The following DTNB variants were observed in gnomAD, a reference collection of about 807,000 sequenced individuals.
DTNB encodes the protein DTN-B.
Under a neutral mutation model 90.7 loss-of-function variants are expected in DTNB, and 63 were observed. The observed-to-expected ratio is 0.69, with a 90% CI of 0.57 to 0.86. DTNB has a LOEUF of 0.86. DTNB is among the 40% of genes least tolerant of loss of function. The pLI is 0.00. For missense variants in DTNB, 744 were observed against 807.1 expected, an observed-to-expected ratio of 0.92 and a Z score of 0.95; for synonymous variants, 277 against 286.7, an observed-to-expected ratio of 0.97 and a Z score of 0.34.
At chr2:25,635,824 GGAA>G (rs2077001361) in intron 3 of DTNB, among the ~76,000 whole-genome samples, 1 of 152,168 alleles carries the variant, frequency 6.6e-6, no homozygotes, top group Admixed American at 6.5e-5. Flanking sequence ...GAGCAAAGTA[GGAA>G]GACTTGCCTT....
At chr2:25,631,231 T>C (rs756044070) in intron 3 of DTNB, among the ~76,000 whole-genome samples, 11 of 152,182 alleles carry the variant, frequency 7.2e-5, no homozygotes, top group South Asian at 2.1e-4. Flanking sequence ...TAATTTTTAA[T>C]GGTGGGACAA....
At chr2:25,529,131 C>A (rs965412767) in intron 9 of DTNB, among the ~76,000 whole-genome samples, 5 of 152,110 alleles carry the variant, frequency 3.3e-5, no homozygotes, top group Admixed American at 3.3e-4. Context: ...GTAATTAAGA[C>A]AGTGAGATAT....
intron 1 of DTNB, among the ~76,000 whole-genome samples, chr2:25,658,872 C>A (rs1037174410): frequency 6.6e-6 from 1 of 152,064 alleles, no homozygotes; most frequent in Non-Finnish European, 1.5e-5. Flanking sequence ...TTGTCAACAC[C>A]GACAGAACTT....
intron 12 of DTNB, among the ~76,000 whole-genome samples, chr2:25,446,114 G>A (rs1325709416): frequency 6.6e-6 from 1 of 151,882 alleles, no homozygotes; most frequent in East Asian, 1.9e-4. Flanking sequence ...TGTGAGAAAG[G>A]GTCTTTATTT....
intron 5 of DTNB, among the ~76,000 whole-genome samples, chr2:25,599,212 A>G (rs2065284885): frequency 6.6e-6 from 1 of 151,250 alleles, no homozygotes; most frequent in Non-Finnish European, 1.5e-5. Flanking sequence ...TTACGGAATA[A>G]AGGAAGTTTA....
At chr2:25,466,942 G>A (rs1382665668) in intron 10 of DTNB, among the ~76,000 whole-genome samples, 1 of 152,220 alleles carries the variant, frequency 6.6e-6, no homozygotes, top group South Asian at 2.1e-4. Context: ...GCGTGAAAGA[G>A]TTCCGTCAAA....
chr2:25,526,393 ATATTTTT>A (rs1333616880), intron 9 of DTNB, among the ~76,000 whole-genome samples: 9 of 59,450 alleles, frequency 1.5e-4, no homozygotes, highest in African/African-American at 5.5e-4. Flanking sequence ...ATATATATAT[ATATTTTT>A]TTTTTTTTAA....
At chr2:25,481,337 G>A (rs984240165) in intron 10 of DTNB, among the ~76,000 whole-genome samples, 6 of 151,838 alleles carry the variant, frequency 4.0e-5, no homozygotes, top group Non-Finnish European at 8.8e-5. Flanking sequence ...CCTGGGAGGT[G>A]GAGGTTGCAG....
At chr2:25,596,059 C>A (rs1318515131) in intron 6 of DTNB, 27 bp downstream of exon 6, 1 of 1,560,786 alleles carries the variant, frequency 6.4e-7, no homozygotes, top group Non-Finnish European at 8.6e-7. Flanking sequence ...GCTCTTCTAG[C>A]CCTAGATTCT....
chr2:25,536,431 T>C lies in DTNB; in HGVS notation c.877-4834A>G, dbSNP rs189347413. ...TGGGCAACATTGAGCAATGAGTGAG[T>C]GAAACTCCGTCTGCAATCCCAGCAC... On this transcript the variant is annotated intron_variant, in intron 8 of 20. Coordinates refer to ENST00000406818, the MANE Select transcript of DTNB (RefSeq NM_021907.5). 3.5e-3 allele frequency among the ~76,000 whole-genome samples: 516 copies of C among 148,180 alleles called. 2 individuals are homozygous for C. The highest frequency in any genetic ancestry group is 0.012 in the African/African-American group (489 of 39,836).
chr2:25,582,418 A>G (rs1368497716), intron 6 of DTNB, among the ~76,000 whole-genome samples: 1 of 152,188 alleles, frequency 6.6e-6, no homozygotes, highest in Non-Finnish European at 1.5e-5. Flanking sequence ...TCTTATTGAG[A>G]ATAATATTTA....
rs149154977 is a variant in DTNB, at chr2:25,577,422, G to A, written c.710-418C>T. 2.3e-3 allele frequency among the ~76,000 whole-genome samples: 345 copies of A among 151,884 alleles called. 3 individuals carry two copies. The highest frequency in any genetic ancestry group is 7.6e-3 in the African/African-American group (313 of 41,420). On this transcript the variant is annotated intron_variant, in intron 7 of 20. Transcript: ENST00000406818. ...ACTGCATTCCAGCCTGGGCGACAGAGCAAGATTCTGTCTCAAAAACAAAAC... is the reference window on the plus strand; with the variant it reads ...ACTGCATTCCAGCCTGGGCGACAGAACAAGATTCTGTCTCAAAAACAAAAC...
Position 25,407,368 on chromosome 2 carries a change from C to T in DTNB, c.1575+12147G>A, listed in dbSNP as rs72849877. Among the ~76,000 whole-genome samples the T allele has an allele frequency of 2.9e-3, 444 of 152,272 alleles. 2 individuals are homozygous for T. Among genetic ancestry groups the T allele is most frequent in the African/African-American group, 0.01 (422 of 41,554 alleles). On this transcript the variant is annotated intron_variant, in intron 16 of 20. Transcript: ENST00000406818. Reference sequence around the variant, plus strand: ...CACTATGGAAAATAGGATGGAGATTCTTTGAAGAACCAAAAGTAGACCTAC... The same window carrying T: ...CACTATGGAAAATAGGATGGAGATTTTTTGAAGAACCAAAAGTAGACCTAC...
intron 15 of DTNB, among the ~76,000 whole-genome samples, chr2:25,423,170 C>A (rs997156804): frequency 5.9e-5 from 9 of 152,024 alleles, no homozygotes; most frequent in African/African-American, 2.2e-4. Context: ...GCACCCCAGC[C>A]TGGGCAACAG....
intron 12 of DTNB, among the ~76,000 whole-genome samples, chr2:25,445,538 T>C (rs2058270988): frequency 6.6e-6 from 1 of 152,188 alleles, no homozygotes; most frequent in Admixed American, 6.5e-5. Flanking sequence ...AAACATAAAT[T>C]GGTACGCATT....
chr2:25,562,530 T>C (rs1572623521), intron 8 of DTNB, among the ~76,000 whole-genome samples: 1 of 152,338 alleles, frequency 6.6e-6, no homozygotes, highest in African/African-American at 2.4e-5. Context: ...GGCTATACCA[T>C]TTTATATTCC....
chr2:25,460,163 A>G (rs1043546129), intron 10 of DTNB, among the ~76,000 whole-genome samples: 1 of 152,042 alleles, frequency 6.6e-6, no homozygotes, highest in African/African-American at 2.4e-5. Flanking sequence ...GTGGAGATGG[A>G]TGTAAGGGAA....
intron 10 of DTNB, among the ~76,000 whole-genome samples, chr2:25,462,258 AT>A (rs1390558164): frequency 6.6e-6 from 1 of 152,154 alleles, no homozygotes; most frequent in Non-Finnish European, 1.5e-5. Context: ...CAGGCAAGCC[AT>A]CAGGAGGCAC....
chr2:25,521,545 G>A (rs1045567238), intron 9 of DTNB, among the ~76,000 whole-genome samples: 1 of 151,780 alleles, frequency 6.6e-6, no homozygotes, highest in Non-Finnish European at 1.5e-5. Context: ...AACTGTACCC[G>A]CCTAATTTTT....
Sources: allele counts gnomAD v4.1 joint callset (sites outside exome capture counted in the v4.1 genomes callset), GRCh38; gene constraint gnomAD v4.1.1; transcripts MANE v1.5; gene names NCBI Gene and HGNC (gene_info 2026-07-23, HGNC 2026-07-21).